RPSA2: variants seen among roughly 807,000 people sequenced by gnomAD.
The protein encoded by RPSA2 is ribosomal protein SA 2.
At chr19:23,830,469 C>T in the RPSA2 span, among the ~76,000 whole-genome samples, 2 of 152,146 alleles carry the variant, frequency 1.3e-5, no homozygotes, top group African/African-American at 4.8e-5. Context: ...TATCTTGCAG[C>T]TTCAAAGATA....
the RPSA2 span, among the ~76,000 whole-genome samples, chr19:23,771,483 G>C: frequency 4.2e-4 from 64 of 152,172 alleles, no homozygotes; most frequent in Non-Finnish European, 2.9e-5. Flanking sequence ...GTGTGAAATT[G>C]TTAATCTCAT....
the RPSA2 span, among the ~76,000 whole-genome samples, chr19:23,770,359 G>C: frequency 1.3e-5 from 2 of 152,128 alleles, no homozygotes; most frequent in Non-Finnish European, 2.9e-5. Context: ...CATATGCCTG[G>C]ATTCAGCACT....
chr19:23,764,864 GTA>G, the RPSA2 span, among the ~76,000 whole-genome samples: 5 of 151,828 alleles, frequency 3.3e-5, no homozygotes, highest in Admixed American at 6.6e-5. Context: ...CACCCTACTA[GTA>G]CGTCTTTGGG....
the RPSA2 span, among the ~76,000 whole-genome samples, chr19:23,830,913 A>G: frequency 6.6e-6 from 1 of 152,058 alleles, no homozygotes; most frequent in Admixed American, 6.6e-5. Context: ...CTGTCCTGGC[A>G]TAGTCTGAAA....
chr19:23,825,168 C>G, the RPSA2 span, among the ~76,000 whole-genome samples: 2 of 151,970 alleles, frequency 1.3e-5, no homozygotes, highest in Admixed American at 6.6e-5. Context: ...TTTGTAGAGA[C>G]TGGGTTTCAC....
chr19:23,786,900 G>T, the RPSA2 span, among the ~76,000 whole-genome samples: 1 of 151,918 alleles, frequency 6.6e-6, no homozygotes, highest in South Asian at 2.1e-4. Context: ...TAGGAGATGT[G>T]ACTCTCATCT....
chr19:23,758,752 C>A, the RPSA2 span: 2 of 1,614,236 alleles, frequency 1.2e-6, no homozygotes, highest in African/African-American at 1.3e-5. Flanking sequence ...CTCACCATTT[C>A]TAGGTTTCCG....
chr19:23,816,886 A>G, the RPSA2 span, among the ~76,000 whole-genome samples: 1 of 152,182 alleles, frequency 6.6e-6, no homozygotes, highest in Non-Finnish European at 1.5e-5. Flanking sequence ...ACCTGCCCCC[A>G]TGATTCAATT....
chr19:23,773,709 T>C, the RPSA2 span, among the ~76,000 whole-genome samples: 2 of 152,194 alleles, frequency 1.3e-5, no homozygotes, highest in Non-Finnish European at 2.9e-5. Flanking sequence ...AAAAATTGAC[T>C]CTCATATGTG....
chr19:23,768,179 ATTTGTTAAATTTATG>A, the RPSA2 span, among the ~76,000 whole-genome samples: 7 of 1,162 alleles, frequency 6.0e-3, no homozygotes, highest in Non-Finnish European at 0.016. Context: ...GATATGTTTT[ATTTGTTAAATTTATG>A]TTTTTTTCTG....
chr19:23,799,066 T>C, the RPSA2 span: 2 of 152,262 alleles, frequency 1.3e-5, no homozygotes, highest in African/African-American at 4.8e-5. Flanking sequence ...ATAATACTCA[T>C]GTTTCTCATG....
chr19:23,816,038 G>T, the RPSA2 span, among the ~76,000 whole-genome samples: 1 of 146,202 alleles, frequency 6.8e-6, no homozygotes, highest in Non-Finnish European at 1.5e-5. Context: ...TTGACTTAGT[G>T]CTGAAATGAT....
At chr19:23,836,000 T>TA in the RPSA2 span, among the ~76,000 whole-genome samples, 9 of 152,106 alleles carry the variant, frequency 5.9e-5, no homozygotes, top group Non-Finnish European at 1.2e-4. Context: ...TATATTTTTT[T>TA]AATTTTATTG....
chr19:23,760,665 ATATAT>A, the RPSA2 span, among the ~76,000 whole-genome samples: 200 of 101,760 alleles, frequency 2.0e-3, no homozygotes, highest in East Asian at 0.015. Context: ...ATATATATAT[ATATAT>A]TTTTTTTTTT....
the RPSA2 span, among the ~76,000 whole-genome samples, chr19:23,778,194 G>A: frequency 6.6e-6 from 1 of 152,078 alleles, no homozygotes; most frequent in Non-Finnish European, 1.5e-5. Flanking sequence ...TCAACTGTTT[G>A]ATGTGACTTT....
At chr19:23,794,837 T>G in the RPSA2 span, among the ~76,000 whole-genome samples, 8 of 152,338 alleles carry the variant, frequency 5.3e-5, no homozygotes, top group Admixed American at 1.3e-4. Flanking sequence ...ATTTCAGCCT[T>G]TAATTAATGT....
the RPSA2 span, among the ~76,000 whole-genome samples, chr19:23,776,220 A>T: frequency 1.3e-5 from 2 of 152,190 alleles, no homozygotes; most frequent in Non-Finnish European, 2.9e-5. Flanking sequence ...TTCTGTGTAG[A>T]ACCTGAGTGA....
the RPSA2 span, chr19:23,759,020 G>C: frequency 1.8e-6 from 1 of 550,402 alleles, no homozygotes; most frequent in Non-Finnish European, 3.2e-6. Context: ...AGTGACAGAA[G>C]ATGTGATCAG....
chr19:23,831,769 TAAC>T, the RPSA2 span: 145 of 289,626 alleles, frequency 5.0e-4, no homozygotes, highest in African/African-American at 2.3e-3. Flanking sequence ...ATAATGGACT[TAAC>T]AAGTGTTTCA....
Sources: allele counts gnomAD v4.1 joint callset (sites outside exome capture counted in the v4.1 genomes callset), GRCh38; gene constraint gnomAD v4.1.1; transcripts MANE v1.5; gene names NCBI Gene and HGNC (gene_info 2026-07-23, HGNC 2026-07-21).